The following ZNF100 variants were observed in gnomAD, a reference collection of about 807,000 sequenced individuals.
The protein encoded by ZNF100 is zinc finger protein 100 (Y1).
In ZNF100, 12 loss-of-function variants were observed where a neutral mutation model predicts 15.8. That is an observed-to-expected ratio of 0.76 (90% CI 0.49 to 1.23). ZNF100 has a LOEUF of 1.23. Among genes scored for constraint, ZNF100 ranks in the 50% most tolerant of loss-of-function variants. The pLI is 0.00. For missense variants in ZNF100, 670 were observed against 635.6 expected (o/e 1.05, Z -0.58); for synonymous variants, 226 against 214.8 (o/e 1.05, Z -0.45).
chr19:21,737,133 G>A (rs111571936), intron 4 of ZNF100, among the ~76,000 whole-genome samples: 2 of 151,724 alleles, frequency 1.3e-5, no homozygotes, highest in Admixed American at 1.3e-4. Context: ...TAAAATAAAA[G>A]AGATAGACCA....
chr19:21,751,045 G>T, intron 2 of ZNF100: 1 of 1,358,300 alleles, frequency 7.4e-7, no homozygotes, highest in Non-Finnish European at 1.0e-6. Flanking sequence ...GCACATCAGC[G>T]ACCACGAGAT....
Position 21,751,090 on chromosome 19 carries a change from G to A in ZNF100, c.97-6023C>T. 2.1e-6 allele frequency: 3 copies of A among 1,435,894 alleles called. No homozygotes were observed. In the South Asian group the frequency reaches 3.4e-5, roughly 16 times the overall value. The allele number at this position is 1,435,894 out of a possible 1,614,324, so 88.9% of individuals were successfully genotyped here. A position where few individuals can be genotyped will look rare whatever the true frequency, so the allele number is the denominator to read the frequency against. On this transcript the variant is annotated intron_variant, in intron 2 of 4. Transcript: ENST00000358296. ...TTTAGCTTTGGAGTCAAACCCTTCTGACCATCCAAGGGCAAGCACAAGTTT... is the reference window on the plus strand; with the variant it reads ...TTTAGCTTTGGAGTCAAACCCTTCTAACCATCCAAGGGCAAGCACAAGTTT...
At chr19:21,746,876 T>C (rs2036220216) in intron 2 of ZNF100, 1 of 152,158 alleles carries the variant, frequency 6.6e-6, no homozygotes, top group Non-Finnish European at 1.5e-5. Context: ...GGAATCCTTT[T>C]CAGATGAAAT....
At chr19:21,757,293 C>T (rs969403780) in intron 2 of ZNF100, among the ~76,000 whole-genome samples, 1 of 152,208 alleles carries the variant, frequency 6.6e-6, no homozygotes, top group Non-Finnish European at 1.5e-5. Context: ...CAAGAATTAT[C>T]AGGGCATGGT....
intron 4 of ZNF100, among the ~76,000 whole-genome samples, chr19:21,732,319 T>A (rs992971994): frequency 1.4e-4 from 21 of 152,212 alleles, no homozygotes; most frequent in African/African-American, 5.1e-4. Flanking sequence ...CAACAGATAT[T>A]GAAATTAGGA....
At chr19:21,731,512 T>C (rs943735946) in intron 4 of ZNF100, among the ~76,000 whole-genome samples, 2 of 152,102 alleles carry the variant, frequency 1.3e-5, no homozygotes, top group African/African-American at 4.8e-5. Flanking sequence ...TTTCACCATG[T>C]TGGCCAGGAT....
At chr19:21,742,455 T>C (rs2036132575) in intron 4 of ZNF100, among the ~76,000 whole-genome samples, 3 of 149,762 alleles carry the variant, frequency 2.0e-5, no homozygotes, top group East Asian at 1.9e-4. Context: ...GATCGCGCTA[T>C]TGCACTCCAG....
chr19:21,743,198 A>C (rs1352653744), intron 4 of ZNF100: 1 of 152,254 alleles, frequency 6.6e-6, no homozygotes, highest in Non-Finnish European at 1.5e-5. Context: ...ACTGCACTCC[A>C]ACTTGATGAC....
At chr19:21,765,578 G>T in intron 2 of ZNF100, 116 bp downstream of exon 2, 1 of 888,144 alleles carries the variant, frequency 1.1e-6, no homozygotes, top group Non-Finnish European at 1.8e-6. Context: ...CCAGGGAGCA[G>T]AAATTATTTT....
At chr19:21,766,094 T>C (rs1302294201) in intron 1 of ZNF100, among the ~76,000 whole-genome samples, 1 of 152,196 alleles carries the variant, frequency 6.6e-6, no homozygotes, top group Non-Finnish European at 1.5e-5. Flanking sequence ...GGATAACACA[T>C]CTTCTTAAAA....
At chr19:21,754,042 G>T (rs2036352922) in intron 2 of ZNF100, among the ~76,000 whole-genome samples, 1 of 152,184 alleles carries the variant, frequency 6.6e-6, no homozygotes. Context: ...TCTCAATTAT[G>T]TGAAATCTAT....
Position 21,767,541 on chromosome 19 carries a change from G to T in ZNF100, c.-112C>A. The T allele has an allele frequency of 7.4e-6, 11 of 1,479,742 alleles. No individual in the cohort carries two copies. The highest frequency in any genetic ancestry group is 9.2e-6 in the Non-Finnish European group (10 of 1,089,602). The allele number at this position is 1,479,742 out of a possible 1,614,324, so 91.7% of individuals were successfully genotyped here. On this transcript the variant is annotated 5_prime_UTR_variant, in exon 1 of 5. Coordinates refer to ENST00000358296, the MANE Select transcript of ZNF100 (RefSeq NM_173531.4). The stretch of plus-strand genomic sequence containing the variant: ...GAGCAGAAGACACAGAGAAGTGAGA[G>T]CAAAACCTGGAGCTCCGGCTACAGC...
chr19:21,745,248 G>T (rs924712124), intron 2 of ZNF100, among the ~76,000 whole-genome samples, 181 bp from the exon 3 acceptor site: 4 of 152,140 alleles, frequency 2.6e-5, no homozygotes, highest in Non-Finnish European at 5.9e-5. Context: ...AATTCTGAGA[G>T]AAGAGAATGG....
At chr19:21,742,769 C>T (rs2036140569) in intron 4 of ZNF100, among the ~76,000 whole-genome samples, 1 of 152,062 alleles carries the variant, frequency 6.6e-6, no homozygotes, top group Admixed American at 6.5e-5. Context: ...TAAATACACT[C>T]AGTAAATTAG....
chr19:21,725,240 A>G lies in ZNF100; in HGVS notation c.*1443T>C, dbSNP rs955159036. The G allele has an allele frequency of 6.6e-6, 1 of 152,186 alleles. No homozygotes were observed. Among genetic ancestry groups the G allele is most frequent in the African/African-American group, 2.4e-5 (1 of 41,450 alleles). 9.4% of individuals were successfully genotyped at this position (152,186 alleles called of 1,614,324 possible). A position where few individuals can be genotyped will look rare whatever the true frequency, so the allele number is the denominator to read the frequency against. On this transcript the variant is annotated 3_prime_UTR_variant, in exon 5 of 5. Coordinates refer to ENST00000358296, the MANE Select transcript of ZNF100 (RefSeq NM_173531.4). ...GGAATAGGTTAATGTCTGTGGCATA[A>G]TAACACTTCACTGAATGCACAATAG...
chr19:21,757,838 C>T (rs1043401936), intron 2 of ZNF100, among the ~76,000 whole-genome samples: 6 of 151,984 alleles, frequency 3.9e-5, no homozygotes, highest in Non-Finnish European at 5.9e-5. Context: ...GAGTTCAAGA[C>T]GAGTCTGGGC....
chr19:21,759,545 A>C (rs2036446625), intron 2 of ZNF100, among the ~76,000 whole-genome samples: 1 of 152,218 alleles, frequency 6.6e-6, no homozygotes. Context: ...CTACATTCCC[A>C]GATGGTTAGG....
intron 4 of ZNF100, among the ~76,000 whole-genome samples, chr19:21,729,296 G>A (rs1335293835): frequency 1.3e-5 from 2 of 151,888 alleles, no homozygotes; most frequent in Non-Finnish European, 2.9e-5. Flanking sequence ...ACTTTCAAAA[G>A]TAACAAAATT....
Position 21,727,377 on chromosome 19 carries a change from G to T in ZNF100, c.935C>A (p.Thr312Asn), listed in dbSNP as rs746675141. Residue 312 changes from threonine (T) to asparagine (N), a missense_variant, in exon 5 of 5, where the codon ACT becomes AAT. By Grantham distance (65) the Thr-to-Asn change is moderately conservative. Coordinates refer to ENST00000358296, the MANE Select transcript of ZNF100 (RefSeq NM_173531.4). ...SHLTTHKRIH[T>N]GVKPYKCTEC... The stretch of plus-strand genomic sequence containing the variant: ...TGTACATTTGTAGGGTTTCACTCCA[G>T]TATGAATTCTTTTATGTGTAGTAAG... 1 of 1,612,832 alleles carries T rather than the reference G, an allele frequency of 6.2e-7. No individual in the cohort carries two copies. Among genetic ancestry groups the T allele is most frequent in the Admixed American group, 1.7e-5 (1 of 59,984 alleles).
Sources: allele counts gnomAD v4.1 joint callset (sites outside exome capture counted in the v4.1 genomes callset), GRCh38; gene constraint gnomAD v4.1.1; transcripts MANE v1.5; gene names NCBI Gene and HGNC (gene_info 2026-07-23, HGNC 2026-07-21).